The following CDKAL1 variants were observed in gnomAD, a reference collection of about 807,000 sequenced individuals.
CDKAL1 encodes the protein threonylcarbamoyladenosine tRNA methylthiotransferase.
CDKAL1 carries 32 observed loss-of-function variants against 68.2 expected under a neutral mutation model. The observed-to-expected ratio is 0.47, with a 90% CI of 0.35 to 0.63. The LOEUF (loss-of-function observed/expected upper bound fraction) is 0.63. Among genes scored for constraint, CDKAL1 ranks in the 30% least tolerant of loss-of-function variants. The probability of loss-of-function intolerance (pLI) is 0.00; values close to 1 mark genes in which losing one functional copy is unlikely to be tolerated. For synonymous variants in CDKAL1, 234 were observed against 244.3 expected, an observed-to-expected ratio of 0.96 and a Z score of 0.39; for missense variants, 606 against 696.7, an observed-to-expected ratio of 0.87 and a Z score of 1.47.
intron 4 of CDKAL1, among the ~76,000 whole-genome samples, chr6:20,550,652 G>C (rs1363867025): frequency 6.6e-6 from 1 of 152,038 alleles, no homozygotes. Flanking sequence ...GGGGGATGGA[G>C]CTAGGAATTA....
rs114382578 is a variant in CDKAL1, at chr6:20,581,339, A to G, written c.286+32634A>G. On this transcript the variant is annotated intron_variant, in intron 4 of 15. Transcript: ENST00000274695. ...GAGTCATTTTCATAGAGTCCATGCAATATACACTTAGAGTGTAAAAGATAC... is the reference window on the plus strand; with the variant it reads ...GAGTCATTTTCATAGAGTCCATGCAGTATACACTTAGAGTGTAAAAGATAC... Among the ~76,000 whole-genome samples the G allele has an allele frequency of 6.9e-3, 1,056 of 152,318 alleles. 11 individuals carry two copies. The highest frequency in any genetic ancestry group is 0.024 in the African/African-American group (999 of 41,564).
At chr6:21,226,844 C>G (rs1217568254) in intron 15 of CDKAL1, among the ~76,000 whole-genome samples, 1 of 152,196 alleles carries the variant, frequency 6.6e-6, no homozygotes, top group Admixed American at 6.5e-5. Flanking sequence ...TCCCGAGTAG[C>G]TGGGACTACA....
intron 4 of CDKAL1, among the ~76,000 whole-genome samples, chr6:20,554,011 G>A (rs1347108267): frequency 1.3e-5 from 2 of 150,540 alleles, no homozygotes; most frequent in African/African-American, 4.9e-5. Flanking sequence ...GTAACGATGG[G>A]GTTTTGCCAT....
At chr6:20,919,565 G>A (rs559629124) in intron 9 of CDKAL1, among the ~76,000 whole-genome samples, 16 of 152,142 alleles carry the variant, frequency 1.1e-4, no homozygotes, top group African/African-American at 1.2e-4. Flanking sequence ...AAGAATATGC[G>A]GTGTTTGGTT....
At chr6:21,140,916 G>A (rs111620853) in intron 13 of CDKAL1, among the ~76,000 whole-genome samples, 12,750 of 152,144 alleles carry the variant, frequency 0.084, 693 homozygotes, top group South Asian at 0.18. Context: ...CTTACATGGC[G>A]GCGCCAGGAG....
At chr6:21,026,755 C>G (rs1179361072) in intron 11 of CDKAL1, among the ~76,000 whole-genome samples, 3 of 152,136 alleles carry the variant, frequency 2.0e-5, no homozygotes, top group African/African-American at 7.2e-5. Context: ...GCAGTCTTAA[C>G]TATGATGTTA....
intron 5 of CDKAL1, chr6:20,722,452 GTCT>G (rs1289822449): frequency 2.0e-5 from 6 of 300,816 alleles, no homozygotes; most frequent in Non-Finnish European, 2.5e-5. Flanking sequence ...CCTCATCACA[GTCT>G]TCTTTTTGGC....
At chr6:20,637,031 C>A (rs1396397335) in intron 4 of CDKAL1, among the ~76,000 whole-genome samples, 1 of 108,660 alleles carries the variant, frequency 9.2e-6, no homozygotes. Flanking sequence ...AGTGAGACTC[C>A]GTCTCAAAAA....
chr6:20,702,850 G>A (rs1360558094), intron 5 of CDKAL1, among the ~76,000 whole-genome samples: 1 of 152,050 alleles, frequency 6.6e-6, no homozygotes, highest in Non-Finnish European at 1.5e-5. Context: ...CTAGCCAGGG[G>A]CCACGCCCTT....
At chr6:20,675,190 C>T (rs1381753444) in intron 5 of CDKAL1, among the ~76,000 whole-genome samples, 2 of 151,940 alleles carry the variant, frequency 1.3e-5, no homozygotes, top group African/African-American at 4.8e-5. Flanking sequence ...CTTTGGGCAT[C>T]AGTGTTATAC....
chr6:20,893,977 A>G (rs1212820143), intron 9 of CDKAL1, among the ~76,000 whole-genome samples: 1 of 152,222 alleles, frequency 6.6e-6, no homozygotes, highest in Admixed American at 6.5e-5. Flanking sequence ...AAGCATTCAA[A>G]TGGTGTGATT....
chr6:20,587,080 G>T (rs187415578), intron 4 of CDKAL1, among the ~76,000 whole-genome samples: 32 of 132,374 alleles, frequency 2.4e-4, no homozygotes, highest in South Asian at 1.3e-3. Flanking sequence ...TCTACCTCCC[G>T]GGTTCAAGTG....
chr6:21,191,993 T>C (rs13193222), intron 13 of CDKAL1, among the ~76,000 whole-genome samples: 2 of 24,886 alleles, frequency 8.0e-5, no homozygotes, highest in African/African-American at 1.9e-4. Flanking sequence ...TTCATTTTTC[T>C]TTTTTTTTTT....
chr6:20,768,614 C>T (rs1281286118), intron 7 of CDKAL1, among the ~76,000 whole-genome samples: 1 of 152,146 alleles, frequency 6.6e-6, no homozygotes, highest in African/African-American at 2.4e-5. Flanking sequence ...GACTCTTTTG[C>T]CCTTCCTCCA....
chr6:20,785,272 C>T (rs1357455238), intron 8 of CDKAL1, among the ~76,000 whole-genome samples: 1 of 151,886 alleles, frequency 6.6e-6, no homozygotes. Flanking sequence ...ACGTATTTGT[C>T]CACACTATCA....
At chr6:20,596,957 C>T (rs1241915321) in intron 4 of CDKAL1, among the ~76,000 whole-genome samples, 2 of 152,140 alleles carry the variant, frequency 1.3e-5, no homozygotes, top group East Asian at 3.9e-4. Flanking sequence ...TCGGCTTGCC[C>T]CCCATGGGCT....
At chr6:20,760,414 T>C (rs1278342166) in intron 7 of CDKAL1, among the ~76,000 whole-genome samples, 1 of 152,242 alleles carries the variant, frequency 6.6e-6, no homozygotes, top group Non-Finnish European at 1.5e-5. Context: ...ATTTATTGTG[T>C]ACCTACAGTG....
intron 9 of CDKAL1, among the ~76,000 whole-genome samples, chr6:20,850,378 AG>A (rs2150503117): frequency 6.6e-6 from 1 of 152,284 alleles, no homozygotes; most frequent in South Asian, 2.1e-4. Context: ...ATTAGAACCC[AG>A]GTTTCCAGTC....
At chr6:20,745,153 G>C (rs1049426787) in intron 6 of CDKAL1, among the ~76,000 whole-genome samples, 2 of 152,164 alleles carry the variant, frequency 1.3e-5, no homozygotes, top group African/African-American at 4.8e-5. Flanking sequence ...GATTTGCAGT[G>C]GTTAAACATC....
Sources: allele counts gnomAD v4.1 joint callset (sites outside exome capture counted in the v4.1 genomes callset), GRCh38; gene constraint gnomAD v4.1.1; transcripts MANE v1.5; gene names NCBI Gene and HGNC (gene_info 2026-07-23, HGNC 2026-07-21).